Variants in CILK1 observed in about 807,000 individuals in gnomAD.
CILK1 encodes the protein ciliogenesis associated kinase 1.
In CILK1, 47 loss-of-function variants were observed where a neutral mutation model predicts 79.2. The ratio of observed to expected loss-of-function variants is 0.59; its 90% CI spans 0.47 to 0.76. The LOEUF (loss-of-function observed/expected upper bound fraction) is 0.76. Ranked by LOEUF, CILK1 falls within the 30% of genes least tolerant of loss-of-function variation. The probability of loss-of-function intolerance (pLI) is 0.00; values close to 1 mark genes in which losing one functional copy is unlikely to be tolerated. For missense variants in CILK1, 660 were observed against 769.5 expected (o/e 0.86, Z 1.68); for synonymous variants, 266 against 275.9 (o/e 0.96, Z 0.36).
Position 53,005,080 on chromosome 6 carries a change from G to T in CILK1, c.*69C>A. The stretch of plus-strand genomic sequence containing the variant: ...ATGCCCTCTGCACATCTTGCAGGTA[G>T]AACACCAGTCAGCTGAGGGAAAGTA... On this transcript the variant is annotated 3_prime_UTR_variant, in exon 14 of 14. Transcript: ENST00000676107. 6.4e-7 allele frequency: 1 copy of T among 1,569,436 alleles called. No homozygotes were observed. The highest frequency in any genetic ancestry group is 1.1e-5 in the South Asian group (1 of 89,960).
At chr6:53,021,923 G>A (rs1369922559) in intron 5 of CILK1, among the ~76,000 whole-genome samples, 2 of 152,030 alleles carry the variant, frequency 1.3e-5, no homozygotes, top group East Asian at 3.9e-4. Context: ...CCTTCCAGTG[G>A]GACAAGATGT....
chr6:53,017,726 A>C (rs1278137343), intron 7 of CILK1, among the ~76,000 whole-genome samples: 1 of 152,196 alleles, frequency 6.6e-6, no homozygotes, highest in East Asian at 1.9e-4. Flanking sequence ...GTGGACTTGA[A>C]GGAACAAGAG....
chr6:53,030,882 G>GT (rs1351827363), intron 5 of CILK1, among the ~76,000 whole-genome samples, 183 bp downstream of exon 5: 1 of 152,166 alleles, frequency 6.6e-6, no homozygotes, highest in Admixed American at 6.5e-5. Flanking sequence ...GACACAATAA[G>GT]TAATGAGGGA....
intron 1 of CILK1, among the ~76,000 whole-genome samples, chr6:53,044,279 C>T (rs750141706): frequency 1.4e-4 from 21 of 152,230 alleles, no homozygotes; most frequent in Non-Finnish European, 2.6e-4. Context: ...TAGATTCTCA[C>T]AGAAGCACGA....
At chr6:53,057,217 A>T (rs1767959856) in intron 1 of CILK1, among the ~76,000 whole-genome samples, 1 of 152,140 alleles carries the variant, frequency 6.6e-6, no homozygotes, top group African/African-American at 2.4e-5. Context: ...CTTTTATGGT[A>T]GTCAAAAGAG....
chr6:53,026,854 A>G (rs368620681), intron 5 of CILK1, among the ~76,000 whole-genome samples: 2 of 152,072 alleles, frequency 1.3e-5, no homozygotes, highest in South Asian at 4.1e-4. Flanking sequence ...CTTCAATTTA[A>G]TTTCACCCCT....
chr6:53,032,853 A>G (rs575901186), intron 3 of CILK1, among the ~76,000 whole-genome samples, 199 bp from the exon 4 acceptor site: 4 of 152,352 alleles, frequency 2.6e-5, no homozygotes, highest in African/African-American at 7.2e-5. Flanking sequence ...AACTACTTCA[A>G]TGAACTGAGT....
chr6:53,032,779 A>G (rs974190522), intron 3 of CILK1, 125 bp from the exon 4 acceptor site: 49 of 686,744 alleles, frequency 7.1e-5, no homozygotes, highest in Admixed American at 4.8e-4. Flanking sequence ...GAAATGTGCT[A>G]AATTATATTT....
At chr6:53,040,382 T>C (rs1766620073) in intron 2 of CILK1, among the ~76,000 whole-genome samples, 1 of 152,242 alleles carries the variant, frequency 6.6e-6, no homozygotes, top group Admixed American at 6.5e-5. Context: ...ATTGCCATGT[T>C]GTAAGCTGCT....
Position 53,037,828 on chromosome 6 carries a change from C to T in CILK1, c.156+111G>A. On this transcript the variant is annotated intron_variant, in intron 3 of 13. Coordinates refer to ENST00000676107, the MANE Select transcript of CILK1 (RefSeq NM_014920.5). The stretch of plus-strand genomic sequence containing the variant: ...GTAATGTTATCATTTGCCTCCCTTT[C>T]CAGCATTAGTGAAAAAATTCAAATG... 4 of 690,204 alleles carry T rather than the reference C, an allele frequency of 5.8e-6. No homozygotes were observed. In the South Asian group the frequency reaches 6.9e-5, roughly 12 times the overall value. 42.8% of individuals were successfully genotyped at this position (690,204 alleles called of 1,614,324 possible).
At chr6:53,036,679 G>A (rs1360060480) in intron 3 of CILK1, among the ~76,000 whole-genome samples, 1 of 152,088 alleles carries the variant, frequency 6.6e-6, no homozygotes, top group East Asian at 1.9e-4. Context: ...GCCTCCCAAA[G>A]TGCTGGGATT....
At chr6:53,029,602 G>A (rs1310542542) in intron 5 of CILK1, among the ~76,000 whole-genome samples, 2 of 152,220 alleles carry the variant, frequency 1.3e-5, no homozygotes, top group South Asian at 2.1e-4. Flanking sequence ...TCAGCACAAG[G>A]TCTTTTCTAC....
At position 53,032,520 on chromosome 6, in the gene CILK1, G is replaced by A; in HGVS notation, c.278+13C>T. Reference sequence around the variant, plus strand: ...TTTATTTCTATAATAAGATAATGATGACCAAACTGTACCTCTCTTTAATGA... The same window carrying A: ...TTTATTTCTATAATAAGATAATGATAACCAAACTGTACCTCTCTTTAATGA... On this transcript the variant is annotated intron_variant, in intron 4 of 13. Transcript: ENST00000676107. The A allele has an allele frequency of 6.4e-7, 1 of 1,574,338 alleles. No homozygotes were observed. The highest frequency in any genetic ancestry group is 8.6e-7 in the Non-Finnish European group (1 of 1,156,766).
chr6:53,058,551 C>T (rs1330067634), intron 1 of CILK1, among the ~76,000 whole-genome samples: 1 of 152,116 alleles, frequency 6.6e-6, no homozygotes, highest in African/African-American at 2.4e-5. Flanking sequence ...CCGGCACACA[C>T]ACACCTCTGT....
At chr6:53,041,824 C>T (rs1375985798) in intron 1 of CILK1, among the ~76,000 whole-genome samples, 1 of 152,002 alleles carries the variant, frequency 6.6e-6, no homozygotes, top group Non-Finnish European at 1.5e-5. Context: ...AGGGTTGGTT[C>T]CCACTCTGGG....
In CILK1 at chr6:53,041,123, G is replaced by C. The variant is rs1766678049; in HGVS notation, c.101+13C>G. 6.5e-7 allele frequency: 1 copy of C among 1,549,260 alleles called. No homozygotes were observed. The highest frequency in any genetic ancestry group is 8.9e-7 in the Non-Finnish European group (1 of 1,120,738). On this transcript the variant is annotated intron_variant, in intron 2 of 13. Coordinates refer to ENST00000676107, the MANE Select transcript of CILK1 (RefSeq NM_014920.5). The stretch of plus-strand genomic sequence containing the variant: ...GAGTTAAAATTATCATGGCAGTGAA[G>C]GATCAAACTTACTTTTTAATAGCGA...
intron 1 of CILK1, among the ~76,000 whole-genome samples, chr6:53,046,087 C>A (rs1486003169): frequency 6.6e-6 from 1 of 152,180 alleles, no homozygotes; most frequent in Non-Finnish European, 1.5e-5. Context: ...AATGTCTATG[C>A]ACATGAAATG....
At chr6:53,032,192 CAGAGGGCCTCTAAAGT>C (rs1276671298) in intron 4 of CILK1, among the ~76,000 whole-genome samples, 1 of 152,152 alleles carries the variant, frequency 6.6e-6, no homozygotes, top group Non-Finnish European at 1.5e-5. Flanking sequence ...CTGAAGCTAT[CAGAGGGCCTCTAAAGT>C]AGAAATATGG....
chr6:53,012,319 A>G (rs1292740430), intron 9 of CILK1, 92 bp from the exon 10 acceptor site: 6 of 1,181,722 alleles, frequency 5.1e-6, no homozygotes, highest in Non-Finnish European at 7.4e-6. Context: ...TCTGCTATGC[A>G]AAGGAGGCTC....
Sources: gnomAD v4.1 joint callset for allele counts (sites outside exome capture counted in the v4.1 genomes callset) on GRCh38, gnomAD v4.1.1 for gene constraint, MANE v1.5 for transcripts, NCBI Gene and HGNC (gene_info 2026-07-23, HGNC 2026-07-21) for gene names.